The following MED26 variants were observed in gnomAD, a reference collection of about 807,000 sequenced individuals.
MED26 encodes mediator complex subunit 26.
Under a neutral mutation model 43.7 loss-of-function variants are expected in MED26, and 7 were observed. That is an observed-to-expected ratio of 0.16 (90% CI 0.09 to 0.30). The LOEUF (loss-of-function observed/expected upper bound fraction) is 0.30, where lower values mean the gene tolerates loss of function less well. Among genes scored for constraint, MED26 ranks in the 10% least tolerant of loss-of-function variants. The pLI is 1.00. For synonymous variants in MED26, 375 were observed against 371.1 expected (o/e 1.01, Z -0.12); for missense variants, 784 against 840.6 (o/e 0.93, Z 0.83).
At position 16,624,124 on chromosome 19, in the gene MED26, A is replaced by C. The variant is rs542608020; in HGVS notation, c.72+3748T>G. Among the ~76,000 whole-genome samples the C allele has an allele frequency of 1.8e-4, 27 of 151,324 alleles. No individual in the cohort carries two copies. The South Asian group carries it at 3.3e-3, about 19-fold the overall frequency. The stretch of plus-strand genomic sequence containing the variant: ...TGCAAAGATATATTAAAAAAAAAAA[A>C]CCCCTTCTAGAACAATTGACATTAG... On this transcript the variant is annotated intron_variant, in intron 1 of 2. Transcript: ENST00000263390.
chr19:16,601,219 G>A (rs1457824190), intron 1 of MED26, among the ~76,000 whole-genome samples: 1 of 150,758 alleles, frequency 6.6e-6, no homozygotes, highest in Non-Finnish European at 1.5e-5. Context: ...GCAATGGCAT[G>A]AACTCGGCTC....
In MED26 at chr19:16,574,921, G is replaced by GT. The variant is rs58343988; in HGVS notation, c.*1105dup. ...ATTCTCAGACTGGTTTGTGCAAATGGTTTTTTTTTTTTTTTTATTTCCACA... is the reference window on the plus strand; with the variant it reads ...ATTCTCAGACTGGTTTGTGCAAATGGTTTTTTTTTTTTTTTTTATTTCCACA... On this transcript the variant is annotated 3_prime_UTR_variant, in exon 3 of 3. Coordinates refer to ENST00000263390, the MANE Select transcript of MED26 (RefSeq NM_004831.5). 4.6e-3 allele frequency: 656 copies of GT among 141,964 alleles called. 1 individual carries two copies. Among genetic ancestry groups the GT allele is most frequent in the African/African-American group, 6.8e-3 (266 of 38,854 alleles). The allele number at this position is 141,964 out of a possible 1,614,324, so 8.8% of individuals were successfully genotyped here. A position where few individuals can be genotyped will look rare whatever the true frequency, so the allele number is the denominator to read the frequency against.
In MED26 at chr19:16,577,739, G is replaced by A; in HGVS notation, c.148-57C>T. 2 of 1,422,130 alleles carry A rather than the reference G, an allele frequency of 1.4e-6. No individual in the cohort carries two copies. The highest frequency in any genetic ancestry group is 1.9e-6 in the Non-Finnish European group (2 of 1,050,680). 88.1% of individuals were successfully genotyped at this position (1,422,130 alleles called of 1,614,324 possible). ...CGGGACAGGAACTTCTCCATGAGCT[G>A]AGCCAGAAATGGTGGGAAGTGGCCC... On this transcript the variant is annotated intron_variant, in intron 2 of 2. Coordinates refer to ENST00000263390, the MANE Select transcript of MED26 (RefSeq NM_004831.5). The surrounding 1 kb of genome is among the most constrained non-coding windows in gnomAD (Gnocchi z 8.1).
intron 1 of MED26, among the ~76,000 whole-genome samples, chr19:16,602,771 T>A (rs2086155698): frequency 6.6e-6 from 1 of 152,178 alleles, no homozygotes; most frequent in South Asian, 2.1e-4. Flanking sequence ...ATTCCACTCA[T>A]ACTCAGTAGA....
intron 1 of MED26, among the ~76,000 whole-genome samples, chr19:16,616,527 GGAA>G (rs1335525919): frequency 3.3e-5 from 5 of 152,208 alleles, no homozygotes; most frequent in Admixed American, 1.3e-4. Context: ...CCAGCTTGCA[GGAA>G]GAAGGACTCC....
intron 1 of MED26, among the ~76,000 whole-genome samples, chr19:16,600,971 G>A (rs2086145724): frequency 6.6e-6 from 1 of 152,018 alleles, no homozygotes; most frequent in African/African-American, 2.4e-5. Flanking sequence ...GCGCACGCCT[G>A]TAGACACAGC....
intron 1 of MED26, among the ~76,000 whole-genome samples, chr19:16,612,738 C>T (rs918846259): frequency 2.6e-5 from 4 of 152,210 alleles, no homozygotes; most frequent in African/African-American, 9.6e-5. Flanking sequence ...AGCTTTTAAA[C>T]CTGCTTGTGA....
chr19:16,607,881 C>T (rs2086181419), intron 1 of MED26, among the ~76,000 whole-genome samples: 1 of 152,254 alleles, frequency 6.6e-6, no homozygotes, highest in African/African-American at 2.4e-5. Flanking sequence ...CCCTTCAGGG[C>T]AGCTGGCTCC....
chr19:16,627,604 G>A (rs988119121), intron 1 of MED26, among the ~76,000 whole-genome samples: 5 of 152,222 alleles, frequency 3.3e-5, no homozygotes, highest in African/African-American at 7.2e-5. Flanking sequence ...GGAGCAGAAA[G>A]GGAGGAAAAA....
chr19:16,625,387 TA>T (rs1480232840), intron 1 of MED26, among the ~76,000 whole-genome samples: 1 of 152,216 alleles, frequency 6.6e-6, no homozygotes, highest in African/African-American at 2.4e-5. Flanking sequence ...TACTTGTGGA[TA>T]TTAGGTCAGT....
intron 1 of MED26, among the ~76,000 whole-genome samples, chr19:16,596,215 A>G (rs1040846763): frequency 6.6e-5 from 10 of 152,136 alleles, no homozygotes; most frequent in Non-Finnish European, 8.8e-5. Flanking sequence ...CCACAGTGCA[A>G]TGACCCCATC....
At position 16,577,303 on chromosome 19, in the gene MED26, T is replaced by G. The variant is rs747864157; in HGVS notation, c.527A>C (p.Asn176Thr). ...CCCGTTGGTGGGGAGGGGGGATGAGTTGGGGACCAGGGGGTCGTGGCTAGC... is the reference window on the plus strand; with the variant it reads ...CCCGTTGGTGGGGAGGGGGGATGAGGTGGGGACCAGGGGGTCGTGGCTAGC... ...SKASHDPLVP[N>T]SSPLPTNGIS... Residue 176 changes from asparagine to threonine, a missense_variant, in exon 3 of 3, where the codon AAC (asparagine) becomes ACC (threonine). Coordinates refer to ENST00000263390, the MANE Select transcript of MED26 (RefSeq NM_004831.5). This position sits in a 1 kb window ranked among gnomAD's most constrained non-coding sequence, Gnocchi z 8.1. 1.2e-6 allele frequency: 2 copies of G among 1,611,774 alleles called. No homozygotes were observed. Among genetic ancestry groups the G allele is most frequent in the Non-Finnish European group, 1.7e-6 (2 of 1,178,874 alleles).
intron 1 of MED26, among the ~76,000 whole-genome samples, chr19:16,583,389 C>T (rs142881045): frequency 0.02 from 3,004 of 152,344 alleles, 46 homozygotes; most frequent in Non-Finnish European, 0.032. Flanking sequence ...TAACCATCAA[C>T]GAAGACAGGC....
intron 1 of MED26, chr19:16,588,966 G>T (rs761440737): frequency 3.3e-5 from 5 of 152,388 alleles, no homozygotes; most frequent in Admixed American, 6.5e-5. Context: ...GGGGCGTTAG[G>T]ATCCCTGTGT....
At chr19:16,622,188 C>T (rs1223085882) in intron 1 of MED26, among the ~76,000 whole-genome samples, 1 of 152,214 alleles carries the variant, frequency 6.6e-6, no homozygotes, top group East Asian at 1.9e-4. Context: ...TCAAATAAGG[C>T]ACGGGGAGAA....
intron 1 of MED26, among the ~76,000 whole-genome samples, chr19:16,607,121 C>T (rs1019756704): frequency 2.0e-5 from 3 of 152,074 alleles, no homozygotes; most frequent in Non-Finnish European, 4.4e-5. Context: ...GTGGGAGGAT[C>T]GCTTGATGCC....
intron 1 of MED26, among the ~76,000 whole-genome samples, chr19:16,627,583 G>C (rs1425336546): frequency 6.6e-6 from 1 of 152,234 alleles, no homozygotes; most frequent in Non-Finnish European, 1.5e-5. Context: ...AGCAGTGAGG[G>C]TCGTAGAGCT....
At chr19:16,590,911 G>C (rs1401852197) in intron 1 of MED26, among the ~76,000 whole-genome samples, 8 of 151,834 alleles carry the variant, frequency 5.3e-5, no homozygotes, top group African/African-American at 1.9e-4. Flanking sequence ...GTGGTGGCAG[G>C]CACCTGTAAT....
intron 1 of MED26, among the ~76,000 whole-genome samples, chr19:16,593,047 G>A (rs2086105142): frequency 6.6e-6 from 1 of 152,218 alleles, no homozygotes; most frequent in African/African-American, 2.4e-5. Context: ...GGCAACTGAT[G>A]CCCACCAATC....
Sources: gnomAD v4.1 joint callset for allele counts (sites outside exome capture counted in the v4.1 genomes callset) on GRCh38, gnomAD v4.1.1 for gene constraint, Gnocchi (gnomAD v3.1) non-coding constraint, MANE v1.5 for transcripts, NCBI Gene and HGNC (gene_info 2026-07-23, HGNC 2026-07-21) for gene names.